CD5: variants seen among roughly 807,000 people sequenced by gnomAD.
The protein encoded by CD5 is CD5 molecule.
CD5 carries 36 observed loss-of-function variants against 60.3 expected under a neutral mutation model. The observed-to-expected ratio is 0.60, with a 90% CI of 0.46 to 0.79. The LOEUF (loss-of-function observed/expected upper bound fraction) is 0.79. CD5 is among the 30% of genes least tolerant of loss of function. The pLI is 0.00. For synonymous variants in CD5, 230 were observed against 257.6 expected, an observed-to-expected ratio of 0.89 and a Z score of 1.03; for missense variants, 540 against 630.6, an observed-to-expected ratio of 0.86 and a Z score of 1.54.
At chr11:61,125,198 G>T (rs1293806117) in intron 9 of CD5, 47 bp downstream of exon 9, 1 of 1,610,606 alleles carries the variant, frequency 6.2e-7, no homozygotes, top group Non-Finnish European at 8.5e-7. Context: ...GGCTGCAGCA[G>T]GCCGCCAAGG....
At chr11:61,100,905 A>T (rs1294813194), upstream of CD5, among the ~76,000 whole-genome samples, 2 of 147,542 alleles carry the variant, frequency 1.4e-5, no homozygotes, top group African/African-American at 5.1e-5. Flanking sequence ...GATCACACAC[A>T]CATCAACATG....
upstream of CD5, among the ~76,000 whole-genome samples, chr11:61,100,973 T>C (rs1390845296): frequency 1.6e-5 from 1 of 62,282 alleles, no homozygotes; most frequent in African/African-American, 7.2e-5. Context: ...GGAGATCACA[T>C]TCACACACAT....
chr11:61,100,891 TG>T (rs1366581734), upstream of CD5, among the ~76,000 whole-genome samples: 79 of 134,580 alleles, frequency 5.9e-4, no homozygotes, highest in Non-Finnish European at 9.2e-4. Context: ...CACATCAACA[TG>T]GAGATCACAC....
At chr11:61,114,437 TACAC>T (rs995273026) in intron 1 of CD5, among the ~76,000 whole-genome samples, 1 of 149,032 alleles carries the variant, frequency 6.7e-6, no homozygotes, top group African/African-American at 2.5e-5. Context: ...CATCTCTACA[TACAC>T]ACACACATAC....
At chr11:61,105,982 G>A (rs770342109) in intron 1 of CD5, among the ~76,000 whole-genome samples, 2 of 152,024 alleles carry the variant, frequency 1.3e-5, no homozygotes, top group African/African-American at 2.4e-5. Context: ...AAAATTAGCC[G>A]GGAGTGGTGG....
chr11:61,098,064 G>A (rs1393262261), upstream of CD5, among the ~76,000 whole-genome samples: 1 of 152,200 alleles, frequency 6.6e-6, no homozygotes, highest in Non-Finnish European at 1.5e-5. Flanking sequence ...TATAGTTAGA[G>A]ATAGGACAAA....
Position 61,105,151 on chromosome 11 carries a change from C to T in CD5, c.55+2536C>T, listed in dbSNP as rs187815363. Among the ~76,000 whole-genome samples the T allele has an allele frequency of 4.7e-3, 718 of 152,360 alleles. 6 individuals are homozygous for T. The highest frequency in any genetic ancestry group is 0.017 in the African/African-American group (701 of 41,592). ...GGATCCTGAGGCATGAAGATGCCCCCAGCAGGCCTGGGTGCTAGTGACAGG... is the reference window on the plus strand; with the variant it reads ...GGATCCTGAGGCATGAAGATGCCCCTAGCAGGCCTGGGTGCTAGTGACAGG... On this transcript the variant is annotated intron_variant, in intron 1 of 10. Transcript: ENST00000347785.
chr11:61,096,293 T>C, the CD5 span, among the ~76,000 whole-genome samples: 1 of 152,258 alleles, frequency 6.6e-6, no homozygotes, highest in Non-Finnish European at 1.5e-5. Flanking sequence ...CAGATAAAGA[T>C]GAGGGAGCTT....
the CD5 span, among the ~76,000 whole-genome samples, chr11:61,094,421 C>G: frequency 1.3e-5 from 2 of 152,058 alleles, no homozygotes; most frequent in Non-Finnish European, 2.9e-5. Flanking sequence ...TTGGTTTTGA[C>G]TTGGTTTGAA....
intron 6 of CD5, among the ~76,000 whole-genome samples, chr11:61,122,437 G>A (rs1861080199): frequency 1.3e-5 from 2 of 151,128 alleles, no homozygotes; most frequent in Admixed American, 6.6e-5. Context: ...GTGGGTGGAT[G>A]GATGGATGGT....
chr11:61,106,914 TTGA>T (rs1245866066), intron 1 of CD5, among the ~76,000 whole-genome samples: 1 of 152,118 alleles, frequency 6.6e-6, no homozygotes, highest in Non-Finnish European at 1.5e-5. Flanking sequence ...TAGGTATGGA[TTGA>T]ACACCTACTA....
At chr11:61,103,628 C>T (rs200687162) in intron 1 of CD5, among the ~76,000 whole-genome samples, 6 of 131,702 alleles carry the variant, frequency 4.6e-5, no homozygotes, top group East Asian at 2.3e-4. Context: ...TCTGTGTGTA[C>T]GTGTGTGAGA....
chr11:61,107,864 A>G (rs1860799065), intron 1 of CD5, among the ~76,000 whole-genome samples: 3 of 152,164 alleles, frequency 2.0e-5, no homozygotes, highest in Non-Finnish European at 4.4e-5. Flanking sequence ...GGTCCCATGC[A>G]CTGCCACAGA....
Position 61,116,558 on chromosome 11 carries a change from ACAC to A in CD5, c.94+1468_94+1470del, listed in dbSNP as rs1165663120. Among the ~76,000 whole-genome samples, 201 of 119,196 alleles carry A rather than the reference ACAC, an allele frequency of 1.7e-3. 1 individual carries two copies. Among genetic ancestry groups the A allele is most frequent in the African/African-American group, 6.3e-3 (186 of 29,752 alleles). The allele number at this position is 119,196 out of a possible 152,430, so 78.2% of individuals were successfully genotyped here. The stretch of plus-strand genomic sequence containing the variant: ...CCCACACCACACACACACACCACAC[ACAC>A]CACACACACACCACACACACCACAT... On this transcript the variant is annotated intron_variant, in intron 2 of 10. Coordinates refer to ENST00000347785, the MANE Select transcript of CD5 (RefSeq NM_014207.4).
chr11:61,105,012 G>T (rs1860757917), intron 1 of CD5, among the ~76,000 whole-genome samples: 1 of 152,254 alleles, frequency 6.6e-6, no homozygotes, highest in Admixed American at 6.5e-5. Flanking sequence ...GGCCAGGGTT[G>T]CTGGAGTCAA....
intron 2 of CD5, among the ~76,000 whole-genome samples, chr11:61,117,911 A>T (rs770275939): frequency 2.3e-4 from 35 of 152,328 alleles, no homozygotes; most frequent in South Asian, 2.1e-4. Context: ...GGTGCCGAGA[A>T]CACCTTGCCC....
At chr11:61,109,042 G>A (rs574799012) in intron 1 of CD5, among the ~76,000 whole-genome samples, 26 of 152,332 alleles carry the variant, frequency 1.7e-4, no homozygotes, top group African/African-American at 5.3e-4. Context: ...AGAGGCAGGG[G>A]CCAGGAGTGC....
chr11:61,100,433 TCACACACACACAACATGGAGATTA>T (rs1255027439), upstream of CD5, among the ~76,000 whole-genome samples: 9 of 123,574 alleles, frequency 7.3e-5, no homozygotes, highest in Non-Finnish European at 8.4e-5. Context: ...AACATGGAGA[TCACACACACACAACATGGAGATTA>T]CACACACACA....
chr11:61,118,569 A>C lies in CD5; in HGVS notation c.400+89A>C, dbSNP rs1184167330. 1.5e-6 allele frequency: 2 copies of C among 1,365,500 alleles called. No homozygotes were observed. The highest frequency in any genetic ancestry group is 1.0e-6 in the Non-Finnish European group (1 of 990,324). 84.6% of individuals were successfully genotyped at this position (1,365,500 alleles called of 1,614,324 possible). A position where few individuals can be genotyped will look rare whatever the true frequency, so the allele number is the denominator to read the frequency against. ...GAGGCCTGTGATCTAGGGTCTGAGC[A>C]GGCTGGTGGAAGGGGTGGGGGGACC... is the stretch of plus-strand genomic sequence containing the variant. On this transcript the variant is annotated intron_variant, in intron 3 of 10. Coordinates refer to ENST00000347785, the MANE Select transcript of CD5 (RefSeq NM_014207.4). This position sits in a 1 kb window ranked among gnomAD's most constrained non-coding sequence, Gnocchi z 4.7.
Sources: allele counts gnomAD v4.1 joint callset (sites outside exome capture counted in the v4.1 genomes callset), GRCh38; gene constraint gnomAD v4.1.1; non-coding constraint Gnocchi (gnomAD v3.1); transcripts MANE v1.5; gene names NCBI Gene and HGNC (gene_info 2026-07-23, HGNC 2026-07-21).